The following SFMBT2 variants were observed in gnomAD, a reference collection of about 807,000 sequenced individuals.
SFMBT2 encodes Scm like with four mbt domains 2.
In SFMBT2, 38 loss-of-function variants were observed where a neutral mutation model predicts 110.1. That is an observed-to-expected ratio of 0.35 (90% confidence interval 0.27 to 0.45). The LOEUF (loss-of-function observed/expected upper bound fraction) is 0.45, where lower values mean the gene tolerates loss of function less well. Ranked by LOEUF, SFMBT2 falls within the 20% of genes least tolerant of loss-of-function variation. The pLI is 1.00. For synonymous variants in SFMBT2, 425 were observed against 425.4 expected, an observed-to-expected ratio of 1.00 and a Z score of 0.01; for missense variants, 1,011 against 1,094.9, an observed-to-expected ratio of 0.92 and a Z score of 1.08.
In SFMBT2 at chr10:7,315,107, AGAAAAAGC is replaced by A. The variant is rs1480363415; in HGVS notation, c.437-29161_437-29154del. On this transcript the variant is annotated intron_variant, in intron 4 of 20. Coordinates refer to ENST00000397167, the MANE Select transcript of SFMBT2 (RefSeq NM_001387889.1). ...AAGAAAGAAAGAAAGAAAGAAAGAA[AGAAAAAGC>A]AAGCAAGCAAGCCAGCCAATCCGGC... is the stretch of plus-strand genomic sequence containing the variant. Among the ~76,000 whole-genome samples, 823 of 140,766 alleles carry A rather than the reference AGAAAAAGC, an allele frequency of 5.8e-3. 3 individuals carry two copies. Among genetic ancestry groups the A allele is most frequent in the Non-Finnish European group, 8.8e-3 (543 of 61,454 alleles). 92.3% of individuals were successfully genotyped at this position (140,766 alleles called of 152,430 possible). A position where few individuals can be genotyped will look rare whatever the true frequency, so the allele number is the denominator to read the frequency against.
intron 8 of SFMBT2, chr10:7,244,217 C>T: frequency 4.1e-6 from 1 of 244,660 alleles, no homozygotes; most frequent in South Asian, 1.5e-4. Flanking sequence ...ATCGTTCACA[C>T]TAAGCCTCAT....
At chr10:7,237,321 C>T (rs1210312655) in intron 9 of SFMBT2, among the ~76,000 whole-genome samples, 3 of 151,946 alleles carry the variant, frequency 2.0e-5, no homozygotes, top group East Asian at 1.9e-4. Flanking sequence ...ACAGTATATT[C>T]GTAAAGCAAG....
At chr10:7,220,633 C>A (rs990772245) in intron 10 of SFMBT2, 96 bp from the exon 11 acceptor site, 1 of 1,254,736 alleles carries the variant, frequency 8.0e-7, no homozygotes, top group South Asian at 1.3e-5. Flanking sequence ...GCACACGCAT[C>A]TTACATCGAC....
intron 4 of SFMBT2, among the ~76,000 whole-genome samples, chr10:7,361,381 G>A (rs1249106344): frequency 6.6e-6 from 1 of 152,188 alleles, no homozygotes; most frequent in African/African-American, 2.4e-5. Flanking sequence ...TGTCACAGCT[G>A]GGTAAGTCCT....
intron 4 of SFMBT2, among the ~76,000 whole-genome samples, chr10:7,357,211 T>C (rs76870504): frequency 6.6e-6 from 1 of 152,160 alleles, no homozygotes; most frequent in East Asian, 1.9e-4. Context: ...TAGCTCTGAA[T>C]CCACGCCTGG....
chr10:7,331,555 A>T (rs1272430878), intron 4 of SFMBT2, among the ~76,000 whole-genome samples: 1 of 152,184 alleles, frequency 6.6e-6, no homozygotes, highest in Non-Finnish European at 1.5e-5. Context: ...ACTTTTCAGA[A>T]GAGCACCTGT....
chr10:7,393,431 T>A (rs887469521), intron 1 of SFMBT2, among the ~76,000 whole-genome samples: 1 of 152,174 alleles, frequency 6.6e-6, no homozygotes, highest in Non-Finnish European at 1.5e-5. Context: ...ACTGTTCACA[T>A]ACCCCTCTAG....
intron 4 of SFMBT2, among the ~76,000 whole-genome samples, chr10:7,294,603 G>T (rs1842351719): frequency 6.6e-6 from 1 of 151,922 alleles, no homozygotes; most frequent in African/African-American, 2.4e-5. Flanking sequence ...TAATTCTGAT[G>T]GTTAATTTTT....
Position 7,326,690 on chromosome 10 carries a change from T to C in SFMBT2, c.437-40736A>G, listed in dbSNP as rs774551378. On this transcript the variant is annotated intron_variant, in intron 4 of 20. Coordinates refer to ENST00000397167, the MANE Select transcript of SFMBT2 (RefSeq NM_001387889.1). ...ACCCTTTAATTTTCTAAGTGGTGCA[T>C]GGTAATTTAATTGTGCACCTCTGAT... Among the ~76,000 whole-genome samples, 5 of 152,218 alleles carry C rather than the reference T, an allele frequency of 3.3e-5. No individual in the cohort carries two copies. In the South Asian group the frequency reaches 6.2e-4, roughly 19 times the overall value.
intron 11 of SFMBT2, chr10:7,206,459 T>A: frequency 4.1e-6 from 4 of 985,476 alleles, no homozygotes; most frequent in Non-Finnish European, 4.8e-6. Flanking sequence ...ACAAGGTTTA[T>A]GAGCAGTGTA....
At chr10:7,396,242 G>A (rs369139387) in intron 1 of SFMBT2, among the ~76,000 whole-genome samples, 1 of 152,232 alleles carries the variant, frequency 6.6e-6, no homozygotes, top group African/African-American at 2.4e-5. Context: ...GAGCGAGACT[G>A]TCTCAAACAA....
intron 1 of SFMBT2, among the ~76,000 whole-genome samples, chr10:7,409,916 G>C (rs1846326575): frequency 6.6e-6 from 1 of 152,008 alleles, no homozygotes; most frequent in South Asian, 2.1e-4. Flanking sequence ...CGGCCACCGA[G>C]AATCAGCCAC....
chr10:7,280,854 C>T (rs1175635314), intron 6 of SFMBT2, among the ~76,000 whole-genome samples: 1 of 152,184 alleles, frequency 6.6e-6, no homozygotes, highest in Non-Finnish European at 1.5e-5. Flanking sequence ...AGTTCCTTTT[C>T]CCAGGTTTTT....
chr10:7,315,837 T>A (rs562444624), intron 4 of SFMBT2, among the ~76,000 whole-genome samples: 12 of 152,330 alleles, frequency 7.9e-5, no homozygotes, highest in Admixed American at 7.2e-4. Flanking sequence ...AGTCCCCACC[T>A]CACAGGCTTG....
In SFMBT2 at chr10:7,375,835, A is replaced by G. The variant is rs529243756; in HGVS notation, c.101-5460T>C. On this transcript the variant is annotated intron_variant, in intron 2 of 20. Transcript: ENST00000397167. The stretch of plus-strand genomic sequence containing the variant: ...AGCCAGGGGAAGCCACAGCTATTCA[A>G]AGGAGGGTTAAGGAAAAAAGGGAAT... Among the ~76,000 whole-genome samples the G allele has an allele frequency of 3.3e-5, 5 of 151,566 alleles. 1 individual carries two copies. The South Asian group carries it at 1.0e-3, about 32-fold the overall frequency.
chr10:7,330,103 C>T (rs1015691034), intron 4 of SFMBT2, among the ~76,000 whole-genome samples: 1 of 152,162 alleles, frequency 6.6e-6, no homozygotes, highest in African/African-American at 2.4e-5. Context: ...AAAATCTCGG[C>T]TGCCCAAAGA....
intron 4 of SFMBT2, among the ~76,000 whole-genome samples, chr10:7,366,310 G>A (rs1019739601): frequency 6.6e-6 from 1 of 151,584 alleles, no homozygotes; most frequent in East Asian, 1.9e-4. Flanking sequence ...TCACATAAAT[G>A]CAACTCTTAA....
chr10:7,259,881 G>GTGCCAGTCTACACTGCAGAACCGGTGC (rs1237452431), intron 7 of SFMBT2, among the ~76,000 whole-genome samples: 1 of 152,184 alleles, frequency 6.6e-6, no homozygotes, highest in East Asian at 1.9e-4. Context: ...ACTTACATTT[G>GTGCCAGTCTACACTGCAGAACCGGTGC]TGCCAGTCTA....
chr10:7,273,850 C>A (rs1344854866), intron 7 of SFMBT2, among the ~76,000 whole-genome samples: 1 of 152,186 alleles, frequency 6.6e-6, no homozygotes, highest in Non-Finnish European at 1.5e-5. Context: ...ACTAGTTCAA[C>A]CATTGTGAAA....
Sources: gnomAD v4.1 joint callset for allele counts (sites outside exome capture counted in the v4.1 genomes callset) on GRCh38, gnomAD v4.1.1 for gene constraint, MANE v1.5 for transcripts, NCBI Gene and HGNC (gene_info 2026-07-23, HGNC 2026-07-21) for gene names.